ZNF423: variants seen among roughly 807,000 people sequenced by gnomAD.
The protein encoded by ZNF423 is zinc finger protein 423, also known as Ebf-associated zinc finger protein.
Under a neutral mutation model 95.8 loss-of-function variants are expected in ZNF423, and 12 were observed. The ratio of observed to expected loss-of-function variants is 0.13; its 90% CI spans 0.08 to 0.20. The LOEUF (loss-of-function observed/expected upper bound fraction) is 0.20. Ranked by LOEUF, ZNF423 falls within the 10% of genes least tolerant of loss-of-function variation. The probability of loss-of-function intolerance (pLI) is 1.00; values close to 1 mark genes in which losing one functional copy is unlikely to be tolerated. For synonymous variants in ZNF423, 749 were observed against 711.9 expected (o/e 1.05, Z -0.83); for missense variants, 1,316 against 1,737.1 (o/e 0.76, Z 4.31).
chr16:49,631,625 C>T (rs926099719), intron 4 of ZNF423, among the ~76,000 whole-genome samples: 9 of 152,132 alleles, frequency 5.9e-5, no homozygotes, highest in African/African-American at 1.4e-4. Flanking sequence ...AGGGGGGCCC[C>T]GGGCAGGAAG....
intron 7 of ZNF423, among the ~76,000 whole-genome samples, chr16:49,513,598 T>C (rs1415263445): frequency 2.0e-5 from 3 of 151,892 alleles, no homozygotes; most frequent in East Asian, 1.9e-4. Context: ...CTTTCCGACT[T>C]TCCAGGAGCT....
At chr16:49,575,906 G>T (rs1970484134) in intron 5 of ZNF423, among the ~76,000 whole-genome samples, 2 of 152,154 alleles carry the variant, frequency 1.3e-5, no homozygotes, top group African/African-American at 4.8e-5. Flanking sequence ...CTCCAGGGTG[G>T]TTAGATCAGA....
chr16:49,493,210 A>G (rs1967042103), intron 7 of ZNF423, among the ~76,000 whole-genome samples: 1 of 151,922 alleles, frequency 6.6e-6, no homozygotes, highest in African/African-American at 2.4e-5. Context: ...TGCTACCTTC[A>G]AGCCTCTGCT....
chr16:49,547,545 TG>T (rs1368837555), intron 5 of ZNF423, among the ~76,000 whole-genome samples: 1 of 152,150 alleles, frequency 6.6e-6, no homozygotes, highest in African/African-American at 2.4e-5. Context: ...CCAGGAATGG[TG>T]GGGGTGAGCA....
chr16:49,524,540 CCA>C (rs1390580536), intron 6 of ZNF423, among the ~76,000 whole-genome samples: 1 of 152,124 alleles, frequency 6.6e-6, no homozygotes, highest in African/African-American at 2.4e-5. Context: ...GGGATTTGCC[CCA>C]GAGTGGACAC....
intron 2 of ZNF423, among the ~76,000 whole-genome samples, chr16:49,736,771 G>T (rs1230078598): frequency 2.0e-5 from 3 of 152,164 alleles, no homozygotes; most frequent in African/African-American, 7.2e-5. Context: ...CTCCAGCCTG[G>T]ATAACAGAGC....
At chr16:49,746,590 G>A (rs375851578) in intron 2 of ZNF423, among the ~76,000 whole-genome samples, 6 of 152,060 alleles carry the variant, frequency 3.9e-5, no homozygotes, top group Admixed American at 1.3e-4. Context: ...AGATTCTCCC[G>A]CCTCAGCATC....
intron 7 of ZNF423, chr16:49,518,041 T>C (rs776471012): frequency 6.4e-5 from 29 of 452,366 alleles, no homozygotes; most frequent in Non-Finnish European, 1.0e-4. Context: ...GGTGATGATA[T>C]TGGCGGCTCA....
intron 5 of ZNF423, among the ~76,000 whole-genome samples, chr16:49,621,172 C>T (rs923647343): frequency 2.0e-5 from 3 of 152,100 alleles, no homozygotes; most frequent in South Asian, 2.1e-4. Context: ...TGGGTCAACC[C>T]GGCAGGAGGC....
chr16:49,812,727 G>A (rs972293937), intron 1 of ZNF423, among the ~76,000 whole-genome samples: 1 of 152,148 alleles, frequency 6.6e-6, no homozygotes, highest in African/African-American at 2.4e-5. Context: ...CAGTACTGAA[G>A]TAGCTGATTT....
intron 2 of ZNF423, among the ~76,000 whole-genome samples, chr16:49,771,102 T>C (rs572243623): frequency 6.6e-6 from 1 of 151,606 alleles, no homozygotes; most frequent in East Asian, 1.9e-4. Context: ...GGAGTAAGAC[T>C]AAGCATAACA....
At chr16:49,656,882 T>C (rs1228740892) in intron 3 of ZNF423, among the ~76,000 whole-genome samples, 2 of 152,182 alleles carry the variant, frequency 1.3e-5, no homozygotes, top group African/African-American at 4.8e-5. Context: ...ATGAGAAAAC[T>C]GAGGCTTATA....
chr16:49,597,082 G>A (rs1324747344), intron 5 of ZNF423, among the ~76,000 whole-genome samples: 1 of 152,212 alleles, frequency 6.6e-6, no homozygotes, highest in Non-Finnish European at 1.5e-5. Context: ...GAGCAGCTGT[G>A]ATGAACAGGA....
rs111859858 is a variant in ZNF423 at position 49,532,267 on chromosome 16, C to G, written c.3602-6773G>C. ...GGTGGCTAACACTCCCCCAAACCAT[C>G]CCCGCATCACGGCTGTCCCCGACCC... On this transcript the variant is annotated intron_variant, in intron 5 of 7. Transcript: ENST00000563137. 7.5e-3 allele frequency among the ~76,000 whole-genome samples: 1,139 copies of G among 152,290 alleles called. 19 individuals are homozygous for G. The highest frequency in any genetic ancestry group is 0.026 in the African/African-American group (1,087 of 41,560).
Position 49,637,480 on chromosome 16 carries a change from A to G in ZNF423, c.1696T>C (p.Ser566Pro), listed in dbSNP as rs768824942. Residue 566 changes from serine to proline, a missense_variant, in exon 4 of 8, where the codon TCC (serine) becomes CCC (proline). Ser to Pro is a moderately conservative substitution (Grantham distance 74). This residue lies in a region of ZNF423 where 399 missense variants were observed against 478.5 expected (regional missense o/e 0.83). Coordinates refer to ENST00000563137, the MANE Select transcript of ZNF423 (RefSeq NM_001379286.1). The surrounding 1 kb of genome is among the most constrained non-coding windows in gnomAD (Gnocchi z 5.6). ...LESPVVQPTQ[S>P]FMEVYSCPYC... ...GGGCAGGAATAGACCTCCATGAAGGACTGCGTGGGCTGCACCACCGGAGAC... is the reference window on the plus strand; with the variant it reads ...GGGCAGGAATAGACCTCCATGAAGGGCTGCGTGGGCTGCACCACCGGAGAC... 6.2e-7 allele frequency: 1 copy of G among 1,613,798 alleles called. No homozygotes were observed. The highest frequency in any genetic ancestry group is 8.5e-7 in the Non-Finnish European group (1 of 1,179,940).
intron 5 of ZNF423, among the ~76,000 whole-genome samples, chr16:49,593,004 C>T (rs569030397): frequency 6.6e-6 from 1 of 152,298 alleles, no homozygotes; most frequent in South Asian, 2.1e-4. Context: ...TCAGCTCACC[C>T]TCCCCAAACC....
At chr16:49,515,582 G>A (rs1968098078) in intron 7 of ZNF423, among the ~76,000 whole-genome samples, 2 of 152,122 alleles carry the variant, frequency 1.3e-5, no homozygotes, top group South Asian at 4.2e-4. Context: ...TTGTTCATAG[G>A]GCTGTACACA....
At chr16:49,673,800 C>T (rs959541973) in intron 3 of ZNF423, among the ~76,000 whole-genome samples, 10 of 152,352 alleles carry the variant, frequency 6.6e-5, no homozygotes, top group African/African-American at 9.6e-5. Flanking sequence ...ACGCACTCCA[C>T]GTGCCCCACA....
At chr16:49,739,297 T>C (rs1414107332) in intron 2 of ZNF423, among the ~76,000 whole-genome samples, 3 of 152,220 alleles carry the variant, frequency 2.0e-5, no homozygotes, top group Non-Finnish European at 1.5e-5. Context: ...ATGTGCAGCA[T>C]CGCAGTGCAG....
Sources: allele counts gnomAD v4.1 joint callset (sites outside exome capture counted in the v4.1 genomes callset), GRCh38; gene constraint gnomAD v4.1.1; regional missense constraint gnomAD v4.1.1; non-coding constraint Gnocchi (gnomAD v3.1); transcripts MANE v1.5; gene names NCBI Gene and HGNC (gene_info 2026-07-23, HGNC 2026-07-21).